NKAIN3: variants seen among roughly 807,000 people sequenced by gnomAD.
NKAIN3 encodes the protein sodium/potassium transporting ATPase interacting 3.
A neutral mutation model predicts 30.2 loss-of-function variants in NKAIN3; 25 were observed. That is an observed-to-expected ratio of 0.83 (90% CI 0.60 to 1.16). NKAIN3 has a LOEUF of 1.16. Ranked by LOEUF, NKAIN3 falls within the 50% of genes most tolerant of loss-of-function variation. The pLI is 0.00. For synonymous variants in NKAIN3, 91 were observed against 89.6 expected, an observed-to-expected ratio of 1.02 and a Z score of -0.09; for missense variants, 225 against 254.1, an observed-to-expected ratio of 0.89 and a Z score of 0.78.
chr8:62,714,244 A>T (rs960573646), intron 3 of NKAIN3, among the ~76,000 whole-genome samples: 2 of 152,084 alleles, frequency 1.3e-5, no homozygotes, highest in African/African-American at 4.8e-5. Flanking sequence ...GGATGACAGC[A>T]TTATTTTTAA....
chr8:62,933,849 C>T (rs1157602692), intron 5 of NKAIN3, among the ~76,000 whole-genome samples: 2 of 151,972 alleles, frequency 1.3e-5, no homozygotes, highest in Non-Finnish European at 2.9e-5. Flanking sequence ...CAAATGAGCC[C>T]AACAATACTG....
At chr8:62,331,272 CTACATGTTAGGAGTTAGAACTCA>C (rs908313643) in intron 1 of NKAIN3, among the ~76,000 whole-genome samples, 21 of 151,760 alleles carry the variant, frequency 1.4e-4, no homozygotes, top group Non-Finnish European at 2.1e-4. Flanking sequence ...CAGCTAACTC[CTACATGTTAGGAGTTAGAACTCA>C]TACATGTTAA....
At chr8:62,263,478 A>T (rs1241350525) in intron 1 of NKAIN3, among the ~76,000 whole-genome samples, 1 of 152,144 alleles carries the variant, frequency 6.6e-6, no homozygotes, top group African/African-American at 2.4e-5. Flanking sequence ...AATTACGCTG[A>T]TGGGCCATCA....
At chr8:62,648,813 G>A (rs190617628) in intron 3 of NKAIN3, among the ~76,000 whole-genome samples, 50 of 152,290 alleles carry the variant, frequency 3.3e-4, no homozygotes, top group Admixed American at 3.3e-3. Context: ...GAGCCAAGGT[G>A]CTGGGGCTTC....
chr8:62,685,027 G>T (rs905798121), intron 3 of NKAIN3, among the ~76,000 whole-genome samples: 11 of 152,134 alleles, frequency 7.2e-5, no homozygotes, highest in Admixed American at 5.2e-4. Context: ...AGTCAGGAAG[G>T]CAAGAGCCTG....
chr8:62,958,224 A>C (rs922536406), intron 6 of NKAIN3, among the ~76,000 whole-genome samples: 3 of 152,066 alleles, frequency 2.0e-5, no homozygotes, highest in South Asian at 2.1e-4. Context: ...AGGTGTCTTG[A>C]CAGCTCTCGG....
chr8:62,562,035 C>G (rs1809598635), intron 1 of NKAIN3, among the ~76,000 whole-genome samples: 1 of 152,150 alleles, frequency 6.6e-6, no homozygotes, highest in Admixed American at 6.6e-5. Flanking sequence ...AGGGTGTTGA[C>G]AGTGTATCTC....
intron 4 of NKAIN3, among the ~76,000 whole-genome samples, chr8:62,879,125 C>T (rs1376347372): frequency 1.3e-5 from 2 of 152,206 alleles, no homozygotes; most frequent in African/African-American, 4.8e-5. Flanking sequence ...TACAGTCCCA[C>T]CAACAGTGTA....
intron 3 of NKAIN3, among the ~76,000 whole-genome samples, chr8:62,744,830 G>A (rs754667166): frequency 3.9e-5 from 6 of 152,194 alleles, no homozygotes; most frequent in Middle Eastern, 3.4e-3. Flanking sequence ...TGACCTAAAC[G>A]TTTTATTATC....
At chr8:62,342,476 CT>C (rs1036771157) in intron 1 of NKAIN3, among the ~76,000 whole-genome samples, 40 of 152,078 alleles carry the variant, frequency 2.6e-4, no homozygotes, top group African/African-American at 6.5e-4. Flanking sequence ...TTAAATCAAG[CT>C]TTTCCTCTGT....
chr8:62,325,777 T>A (rs1164793328), intron 1 of NKAIN3, among the ~76,000 whole-genome samples: 1 of 152,106 alleles, frequency 6.6e-6, no homozygotes. Flanking sequence ...TAATAATTGG[T>A]GATGTTTAGC....
At chr8:62,879,115 T>G (rs1820892440) in intron 4 of NKAIN3, among the ~76,000 whole-genome samples, 2 of 152,216 alleles carry the variant, frequency 1.3e-5, no homozygotes, top group Admixed American at 1.3e-4. Context: ...TGAACTAGTT[T>G]ACAGTCCCAC....
intron 5 of NKAIN3, among the ~76,000 whole-genome samples, chr8:62,920,230 A>G (rs948027605): frequency 2.6e-5 from 4 of 152,350 alleles, no homozygotes; most frequent in Middle Eastern, 6.8e-3. Flanking sequence ...TGAATCTCTT[A>G]CAAAGTAGAT....
At chr8:62,792,763 G>T (rs988160848) in intron 4 of NKAIN3, among the ~76,000 whole-genome samples, 7 of 152,086 alleles carry the variant, frequency 4.6e-5, no homozygotes, top group Non-Finnish European at 1.0e-4. Flanking sequence ...AAATTTATAG[G>T]TTAAAAAGCC....
intron 1 of NKAIN3, among the ~76,000 whole-genome samples, chr8:62,552,979 TGTG>T (rs1381708251): frequency 1.3e-5 from 2 of 152,144 alleles, no homozygotes; most frequent in Admixed American, 6.5e-5. Flanking sequence ...TGGTGGTAGT[TGTG>T]GTGGAGACAA....
In NKAIN3 at chr8:62,981,589, CT is replaced by C. The variant is rs142347842; in HGVS notation, c.*16183del. 1.3e-3 allele frequency: 196 copies of C among 152,080 alleles called. 2 individuals carry two copies. Among genetic ancestry groups the C allele is most frequent in the African/African-American group, 4.3e-3 (180 of 41,488 alleles). 9.4% of individuals were successfully genotyped at this position (152,080 alleles called of 1,614,324 possible). A position where few individuals can be genotyped will look rare whatever the true frequency, so the allele number is the denominator to read the frequency against. Reference sequence around the variant, plus strand: ...ATAACTCACATTGAGAACTTGTGATCTGAAAGCACTAAGGAATTTCTGCCAT... The same window carrying C: ...ATAACTCACATTGAGAACTTGTGATCGAAAGCACTAAGGAATTTCTGCCAT... On this transcript the variant is annotated 3_prime_UTR_variant, in exon 7 of 7. Transcript: ENST00000623646.
chr8:62,453,441 T>A (rs979253), intron 1 of NKAIN3, among the ~76,000 whole-genome samples: 106,860 of 152,006 alleles, frequency 0.7, 37,812 homozygotes, highest in East Asian at 0.75. Context: ...AAAGATTTCA[T>A]ATTAACCTAA....
chr8:62,515,258 A>C (rs1245487645), intron 1 of NKAIN3, among the ~76,000 whole-genome samples: 1 of 152,178 alleles, frequency 6.6e-6, no homozygotes, highest in Non-Finnish European at 1.5e-5. Flanking sequence ...TATTGTTTTA[A>C]AATTTATTTT....
intron 5 of NKAIN3, among the ~76,000 whole-genome samples, chr8:62,922,037 T>C (rs886713274): frequency 2.0e-5 from 3 of 152,206 alleles, no homozygotes; most frequent in Admixed American, 1.3e-4. Context: ...GGGTTGTATA[T>C]GTTGAATGAT....
Sources: gnomAD v4.1 joint callset for allele counts (sites outside exome capture counted in the v4.1 genomes callset) on GRCh38, gnomAD v4.1.1 for gene constraint, MANE v1.5 for transcripts, NCBI Gene and HGNC (gene_info 2026-07-23, HGNC 2026-07-21) for gene names.